ZNF155: variants seen among roughly 807,000 people sequenced by gnomAD.
The protein encoded by ZNF155 is zinc finger protein 155, also known as KRAB A domain.
In ZNF155, 15 loss-of-function variants were observed where a neutral mutation model predicts 11.9. The ratio of observed to expected loss-of-function variants is 1.26; its 90% CI spans 0.84 to 1.94. The LOEUF (loss-of-function observed/expected upper bound fraction) is 1.94. ZNF155 is among the 30% of genes most tolerant of loss of function. The probability of loss-of-function intolerance (pLI) is 0.00; values close to 1 mark genes in which losing one functional copy is unlikely to be tolerated. For synonymous variants in ZNF155, 212 were observed against 219.9 expected (o/e 0.96, Z 0.32); for missense variants, 602 against 639.1 (o/e 0.94, Z 0.63).
chr19:43,991,506 C>A, intron 2 of ZNF155, 42 bp from the exon 3 acceptor site: 1 of 1,613,668 alleles, frequency 6.2e-7, no homozygotes, highest in Non-Finnish European at 8.5e-7. Context: ...CCCCAGTAGT[C>A]CTTGGTCATA....
rs199726372 is a variant in ZNF155, at chr19:43,997,167, A to C, written c.1310A>C (p.Tyr437Ser). The C allele has an allele frequency of 5.6e-6, 9 of 1,614,162 alleles. No individual in the cohort carries two copies. In the East Asian group the frequency reaches 2.0e-4, roughly 36 times the overall value. ...AAATGTGAGGAGTGTGGGAAGGGCT[A>C]TGTTACTAAGTTTAATCTTGACTTG... ...PYKCEECGKG[Y>S]VTKFNLDLHQ... Residue 437 changes from tyrosine to serine, a missense_variant, in exon 5 of 5, where the codon TAT (tyrosine) becomes TCT (serine). Physicochemically the swap from Tyr to Ser is moderately radical, Grantham distance 144. Transcript: ENST00000270014.
chr19:43,997,170 T>C lies in ZNF155; in HGVS notation c.1313T>C (p.Val438Ala), dbSNP rs1314632934. The change falls in exon 5 of 5, where the codon GTT becomes GCT. Residue 438 changes from valine to alanine, a missense_variant. Coordinates refer to ENST00000270014, the MANE Select transcript of ZNF155 (RefSeq NM_198089.3). ...YKCEECGKGY[V>A]TKFNLDLHQR... is the part of the protein sequence containing the mutation. The stretch of plus-strand genomic sequence containing the variant: ...TGTGAGGAGTGTGGGAAGGGCTATG[T>C]TACTAAGTTTAATCTTGACTTGCAC... 9.9e-6 allele frequency: 16 copies of C among 1,614,072 alleles called. No homozygotes were observed. Among genetic ancestry groups the C allele is most frequent in the Non-Finnish European group, 1.4e-5 (16 of 1,179,994 alleles).
chr19:43,997,376 A>G lies in ZNF155; in HGVS notation c.1519A>G (p.Ser507Gly), dbSNP rs1186837102. 6.2e-7 allele frequency: 1 copy of G among 1,613,838 alleles called. No homozygotes were observed. Among genetic ancestry groups the G allele is most frequent in the Non-Finnish European group, 8.5e-7 (1 of 1,179,782 alleles). The change falls in exon 5 of 5, where the codon AGT (serine) becomes GGT (glycine). Residue 507 changes from serine to glycine, a missense_variant. Ser to Gly is a moderately conservative substitution (Grantham distance 56, BLOSUM62 0). Transcript: ENST00000270014. ...TYRKDQPRDY[S>G]GENPSKCEDC... ...CCGTAAAGACCAGCCGAGAGACTAT[A>G]GTGGGGAAAACCCATCCAAATGTGA...
At chr19:43,991,355 C>T (rs1283681528) in intron 2 of ZNF155, among the ~76,000 whole-genome samples, 193 bp from the exon 3 acceptor site, 1 of 152,162 alleles carries the variant, frequency 6.6e-6, no homozygotes, top group East Asian at 1.9e-4. Flanking sequence ...CATTGCACTT[C>T]TGGTGGAGTT....
At chr19:43,995,573 A>G (rs1389612771) in intron 4 of ZNF155, among the ~76,000 whole-genome samples, 2 of 151,966 alleles carry the variant, frequency 1.3e-5, no homozygotes, top group African/African-American at 4.8e-5. Flanking sequence ...TAGTAGGGAC[A>G]GGGTTTTGCT....
At chr19:43,995,266 C>T (rs1975801375) in intron 4 of ZNF155, among the ~76,000 whole-genome samples, 1 of 152,052 alleles carries the variant, frequency 6.6e-6, no homozygotes, top group Non-Finnish European at 1.5e-5. Flanking sequence ...CATGTGCCAC[C>T]ACACGTGGCT....
intron 4 of ZNF155, 101 bp from the exon 5 acceptor site, chr19:43,995,992 T>C: frequency 1.4e-6 from 2 of 1,412,098 alleles, no homozygotes; most frequent in Non-Finnish European, 1.9e-6. Context: ...GAACATTCTC[T>C]GTATTCATTA....
chr19:43,985,143 C>A (rs2147365595), intron 1 of ZNF155, among the ~76,000 whole-genome samples: 2 of 151,776 alleles, frequency 1.3e-5, no homozygotes, highest in Middle Eastern at 3.4e-3. Context: ...CTCACTGCAA[C>A]CTCCGCCTCC....
In ZNF155 at chr19:43,996,711, A is replaced by C. The variant is rs773860913; in HGVS notation, c.854A>C (p.Glu285Ala). 3.1e-6 allele frequency: 5 copies of C among 1,614,192 alleles called. No homozygotes were observed. In the South Asian group the frequency reaches 5.5e-5, roughly 18 times the overall value. ...GAACATAAGAGAATCCATACTGGGGAGAAACCATTCAAATGTGATATATGT... is the reference window on the plus strand; with the variant it reads ...GAACATAAGAGAATCCATACTGGGGCGAAACCATTCAAATGTGATATATGT... ...LKEHKRIHTG[E>A]KPFKCDICGK... The change falls in exon 5 of 5, where the codon GAG (glutamate) becomes GCG (alanine). Residue 285 changes from glutamate to alanine, a missense_variant. Glu to Ala is a moderately radical substitution (Grantham distance 107). Transcript: ENST00000270014.
At chr19:43,992,892 C>T (rs1157442742) in intron 4 of ZNF155, among the ~76,000 whole-genome samples, 1 of 152,208 alleles carries the variant, frequency 6.6e-6, no homozygotes, top group Non-Finnish European at 1.5e-5. Flanking sequence ...TACAATTGAC[C>T]CACGTCCCGT....
At chr19:43,989,889 A>G (rs908278808) in intron 2 of ZNF155, 21 of 459,108 alleles carry the variant, frequency 4.6e-5, no homozygotes, top group African/African-American at 2.6e-4. Flanking sequence ...AAAAACTCCA[A>G]ACAGATAGGA....
Position 43,997,325 on chromosome 19 carries a change from G to A in ZNF155, c.1468G>A (p.Gly490Arg), listed in dbSNP as rs1464990379. 6.2e-6 allele frequency: 10 copies of A among 1,614,110 alleles called. No individual in the cohort carries two copies. Among genetic ancestry groups the A allele is most frequent in the Non-Finnish European group, 8.5e-6 (10 of 1,180,022 alleles). The change falls in exon 5 of 5, where the codon GGA becomes AGA. Residue 490 changes from glycine (G) to arginine (R), a missense_variant. Transcript: ENST00000270014. ...AAAACCATTCAAATGTGAGGACTGT[G>A]GAAAGAGGCTTGTACACAGGACATA... ...QKKPFKCEDC[G>R]KRLVHRTYRK... is the part of the protein sequence containing the mutation.
At position 43,988,518 on chromosome 19, in the gene ZNF155, G is replaced by T. The variant is rs1975540145; in HGVS notation, c.-26G>T. The T allele has an allele frequency of 6.2e-7, 1 of 1,605,822 alleles. No individual in the cohort carries two copies. The highest frequency in any genetic ancestry group is 8.5e-7 in the Non-Finnish European group (1 of 1,175,082). On this transcript the variant is annotated 5_prime_UTR_variant, in exon 2 of 5. Transcript: ENST00000270014. ...TTCAAACTGCATCACCCAGGAGTCT[G>T]CAAATTCCCCAAAGTAGGAGGAAAA...
chr19:43,997,541 A>C lies in ZNF155; in HGVS notation c.*67A>C. 1 of 1,295,854 alleles carries C rather than the reference A, an allele frequency of 7.7e-7. No homozygotes were observed. Among genetic ancestry groups the C allele is most frequent in the African/African-American group, 1.5e-5 (1 of 67,070 alleles). 80.3% of individuals were successfully genotyped at this position (1,295,854 alleles called of 1,614,324 possible). A position where few individuals can be genotyped will look rare whatever the true frequency, so the allele number is the denominator to read the frequency against. ...GCATACAATTTATAGTGATCCAATC[A>C]GTGTAATTGGTGTATCTGTTACCTC... On this transcript the variant is annotated 3_prime_UTR_variant, in exon 5 of 5. Coordinates refer to ENST00000270014, the MANE Select transcript of ZNF155 (RefSeq NM_198089.3).
chr19:43,997,332 G>T lies in ZNF155; in HGVS notation c.1475G>T (p.Arg492Met). 3 of 1,613,852 alleles carry T rather than the reference G, an allele frequency of 1.9e-6. No homozygotes were observed. Among genetic ancestry groups the T allele is most frequent in the Non-Finnish European group, 2.5e-6 (3 of 1,179,802 alleles). Reference protein sequence around the residue: ...KPFKCEDCGKRLVHRTYRKDQ... With the variant: ...KPFKCEDCGKMLVHRTYRKDQ... The stretch of plus-strand genomic sequence containing the variant: ...TTCAAATGTGAGGACTGTGGAAAGA[G>T]GCTTGTACACAGGACATACCGTAAA... The change falls in exon 5 of 5, where the codon AGG becomes ATG. Residue 492 changes from arginine to methionine, a missense_variant. Coordinates refer to ENST00000270014, the MANE Select transcript of ZNF155 (RefSeq NM_198089.3).
At chr19:43,986,491 C>CT (rs1023376364) in intron 1 of ZNF155, among the ~76,000 whole-genome samples, 14 of 148,856 alleles carry the variant, frequency 9.4e-5, no homozygotes, top group African/African-American at 3.3e-4. Context: ...GCTCTGTCAC[C>CT]TAGGCTGGAG....
rs761057524 is a variant in ZNF155 at position 43,996,246 on chromosome 19, T to C, written c.389T>C (p.Val130Ala). ...NNSQFFENGD[V>A]PSQVEAGLPT... is the part of the protein sequence containing the mutation. Reference sequence around the variant, plus strand: ...TCTCAGTTCTTTGAAAATGGTGATGTCCCCTCCCAGGTTGAAGCAGGACTA... The same window carrying C: ...TCTCAGTTCTTTGAAAATGGTGATGCCCCCTCCCAGGTTGAAGCAGGACTA... The change falls in exon 5 of 5, where the codon GTC (valine) becomes GCC (alanine). Residue 130 changes from valine (V) to alanine (A), a missense_variant. By Grantham distance (64) the Val-to-Ala change is moderately conservative (BLOSUM62 0). Coordinates refer to ENST00000270014, the MANE Select transcript of ZNF155 (RefSeq NM_198089.3). 4 of 1,614,046 alleles carry C rather than the reference T, an allele frequency of 2.5e-6. No individual in the cohort carries two copies.
In ZNF155 at chr19:43,994,699, A is replaced by G. The variant is rs140928493; in HGVS notation, c.236-1394A>G. Among the ~76,000 whole-genome samples the G allele has an allele frequency of 3.0e-3, 452 of 152,334 alleles. 4 individuals are homozygous for G. Among genetic ancestry groups the G allele is most frequent in the African/African-American group, 0.01 (426 of 41,578 alleles). ...TTCTCCTGGCAGAGTAGGATGTGTT[A>G]CATTCCCAGGATTAAGGTATGACTT... On this transcript the variant is annotated intron_variant, in intron 4 of 4. Transcript: ENST00000270014.
rs542294665 is a variant in ZNF155 at position 43,989,574 on chromosome 19, C to G, written c.15+1016C>G. On this transcript the variant is annotated intron_variant, in intron 2 of 4. Coordinates refer to ENST00000270014, the MANE Select transcript of ZNF155 (RefSeq NM_198089.3). ...GAGACAGAATTCTCCATTGAGCAAC[C>G]TGTGCCCTGTGATGTGGATGTCTGG... 4.5e-4 allele frequency among the ~76,000 whole-genome samples: 69 copies of G among 152,238 alleles called. 1 individual carries two copies. In the South Asian group the frequency reaches 8.1e-3, roughly 18 times the overall value.
Sources: allele counts gnomAD v4.1 joint callset (sites outside exome capture counted in the v4.1 genomes callset), GRCh38; gene constraint gnomAD v4.1.1; transcripts MANE v1.5; gene names NCBI Gene and HGNC (gene_info 2026-07-23, HGNC 2026-07-21).